DOCK1: variants seen among roughly 807,000 people sequenced by gnomAD.
DOCK1 encodes dedicator of cytokinesis 1, also known as dedicator of cytokinesis protein 1.
A neutral mutation model predicts 262.7 loss-of-function variants in DOCK1; 138 were observed. The observed-to-expected ratio is 0.53, with a 90% confidence interval of 0.46 to 0.61. The LOEUF is 0.61. Ranked by LOEUF, DOCK1 falls within the 20% of genes least tolerant of loss-of-function variation. The pLI, the probability that DOCK1 is intolerant of heterozygous loss-of-function variation, is 0.00. For synonymous variants in DOCK1, 866 were observed against 867.4 expected (o/e 1.00, Z 0.03); for missense variants, 1,908 against 2,370.7 (o/e 0.80, Z 4.05).
chr10:127,106,100 C>G (rs1300411264), intron 23 of DOCK1, 131 bp from the exon 24 acceptor site: 1 of 894,624 alleles, frequency 1.1e-6, no homozygotes, highest in East Asian at 2.8e-5. Context: ...TCGTGTTAGC[C>G]GTCAGCCCCT....
intron 16 of DOCK1, among the ~76,000 whole-genome samples, chr10:127,030,400 T>G (rs1298879467): frequency 6.6e-6 from 1 of 152,190 alleles, no homozygotes; most frequent in Non-Finnish European, 1.5e-5. Context: ...CCAGCCACAC[T>G]GGACTTCTGT....
At chr10:127,078,439 C>T (rs1182358205) in intron 23 of DOCK1, among the ~76,000 whole-genome samples, 1 of 152,112 alleles carries the variant, frequency 6.6e-6, no homozygotes, top group Admixed American at 6.5e-5. Flanking sequence ...CTCCTTTCCA[C>T]TCAGCTGCCT....
chr10:127,451,462 C>T lies in DOCK1; in HGVS notation c.*35C>T. The stretch of plus-strand genomic sequence containing the variant: ...CCTCTCTGGAAAGAGTGTGCTGCCC[C>T]TCCCCATCTCCATGCCCTCTCCTTC... On this transcript the variant is annotated 3_prime_UTR_variant, in exon 52 of 52. Transcript: ENST00000623213. 2 of 1,553,276 alleles carry T rather than the reference C, an allele frequency of 1.3e-6. No individual in the cohort carries two copies. Among genetic ancestry groups the T allele is most frequent in the Non-Finnish European group, 1.7e-6 (2 of 1,148,636 alleles).
intron 27 of DOCK1, 119 bp from the exon 28 acceptor site, chr10:127,247,889 C>T: frequency 1.1e-6 from 1 of 908,808 alleles, no homozygotes; most frequent in Non-Finnish European, 1.7e-6. Context: ...CCAGGGCTCC[C>T]TGCCCATGCC....
intron 6 of DOCK1, among the ~76,000 whole-genome samples, chr10:126,991,180 C>T (rs1309657670): frequency 6.6e-6 from 1 of 152,182 alleles, no homozygotes; most frequent in Admixed American, 6.5e-5. Flanking sequence ...GGCATCCCCC[C>T]AGCTCTGCAT....
chr10:127,368,421 C>T (rs1201848115), intron 33 of DOCK1, among the ~76,000 whole-genome samples: 1 of 152,122 alleles, frequency 6.6e-6, no homozygotes, highest in Non-Finnish European at 1.5e-5. Context: ...ACATTCTCTG[C>T]CCCCTTTCCT....
intron 10 of DOCK1, among the ~76,000 whole-genome samples, chr10:127,006,197 A>T (rs1421452986): frequency 2.0e-5 from 3 of 152,078 alleles, no homozygotes; most frequent in Non-Finnish European, 4.4e-5. Context: ...AGTCATCCTG[A>T]TGCAGCCCCA....
chr10:126,907,016 A>G (rs2030989654), intron 1 of DOCK1, among the ~76,000 whole-genome samples: 1 of 152,154 alleles, frequency 6.6e-6, no homozygotes, highest in African/African-American at 2.4e-5. Flanking sequence ...CACATTCACA[A>G]AAGTGCAGGA....
At chr10:127,361,357 G>T (rs558512636) in intron 32 of DOCK1, among the ~76,000 whole-genome samples, 2 of 152,112 alleles carry the variant, frequency 1.3e-5, no homozygotes, top group South Asian at 2.1e-4. Flanking sequence ...CTCGTGATCT[G>T]CCCGCCTTGG....
chr10:127,050,994 A>C (rs541676879), intron 21 of DOCK1, among the ~76,000 whole-genome samples: 19 of 152,254 alleles, frequency 1.2e-4, no homozygotes, highest in South Asian at 2.1e-4. Flanking sequence ...TCTATGAATT[A>C]AACACTGAAA....
At chr10:127,332,626 CG>C (rs1178200879) in intron 29 of DOCK1, among the ~76,000 whole-genome samples, 2 of 152,188 alleles carry the variant, frequency 1.3e-5, no homozygotes, top group African/African-American at 4.8e-5. Context: ...GTCTTCCCAC[CG>C]TTTCCCAAAT....
At chr10:126,970,374 A>G in intron 1 of DOCK1, among the ~76,000 whole-genome samples, 1 of 152,202 alleles carries the variant, frequency 6.6e-6, no homozygotes. Context: ...TCCATGTGCA[A>G]TTGATTCATA....
intron 1 of DOCK1, among the ~76,000 whole-genome samples, chr10:126,948,437 A>T (rs1483472764): frequency 7.4e-6 from 1 of 134,548 alleles, no homozygotes; most frequent in Non-Finnish European, 1.7e-5. Context: ...GGTGGTGGTA[A>T]TACTGCTGGT....
At chr10:127,093,227 C>CTTTCTTTCTTTCTTTCTTTTCT (rs2047668583) in intron 23 of DOCK1, among the ~76,000 whole-genome samples, 7 of 67,830 alleles carry the variant, frequency 1.0e-4, no homozygotes, top group East Asian at 3.4e-4. Context: ...TCTTTTCTTT[C>CTTTCTTTCTTTCTTTCTTTTCT]TTTCTTTCTT....
intron 1 of DOCK1, among the ~76,000 whole-genome samples, chr10:126,952,915 ATTG>A (rs1345889117): frequency 3.2e-5 from 1 of 31,726 alleles, no homozygotes; most frequent in African/African-American, 1.3e-4. Flanking sequence ...TGGTGATAGT[ATTG>A]TTATTGTTGG....
chr10:127,282,200 T>G (rs996257804), intron 29 of DOCK1, among the ~76,000 whole-genome samples: 1 of 152,026 alleles, frequency 6.6e-6, no homozygotes, highest in African/African-American at 2.4e-5. Flanking sequence ...GGGTGCACTC[T>G]TGTGTTCTCT....
chr10:127,214,098 C>T (rs530404629), intron 27 of DOCK1, among the ~76,000 whole-genome samples: 34 of 152,304 alleles, frequency 2.2e-4, no homozygotes, highest in Non-Finnish European at 4.1e-4. Context: ...CCACTCGCCT[C>T]GGCGTCCCAA....
intron 23 of DOCK1, among the ~76,000 whole-genome samples, chr10:127,089,619 C>T (rs1030619888): frequency 7.2e-5 from 11 of 152,298 alleles, no homozygotes; most frequent in African/African-American, 2.6e-4. Context: ...TGCCCCTGGC[C>T]AAGTCCAGGC....
chr10:127,425,239 C>A (rs901885678), intron 46 of DOCK1, among the ~76,000 whole-genome samples: 1 of 152,120 alleles, frequency 6.6e-6, no homozygotes, highest in Admixed American at 6.6e-5. Flanking sequence ...TCTCCCACCC[C>A]ACAACAGCAG....
Sources: allele counts gnomAD v4.1 joint callset (sites outside exome capture counted in the v4.1 genomes callset), GRCh38; gene constraint gnomAD v4.1.1; transcripts MANE v1.5; gene names NCBI Gene and HGNC (gene_info 2026-07-23, HGNC 2026-07-21).